PTPN9: variants seen among roughly 807,000 people sequenced by gnomAD.
PTPN9 encodes tyrosine-protein phosphatase non-receptor type 9.
PTPN9 carries 26 observed loss-of-function variants against 69.8 expected under a neutral mutation model. The observed-to-expected ratio is 0.37, with a 90% CI of 0.27 to 0.52. PTPN9 has a LOEUF of 0.52. Ranked by LOEUF, PTPN9 falls within the 20% of genes least tolerant of loss-of-function variation. The probability of loss-of-function intolerance (pLI) is 0.91; values close to 1 mark genes in which losing one functional copy is unlikely to be tolerated. For synonymous variants in PTPN9, 274 were observed against 272.5 expected (o/e 1.01, Z -0.05); for missense variants, 549 against 740.3 (o/e 0.74, Z 3.00).
At chr15:75,504,673 T>A (rs866704042) in intron 7 of PTPN9, among the ~76,000 whole-genome samples, 3 of 73,310 alleles carry the variant, frequency 4.1e-5, no homozygotes, top group East Asian at 4.8e-4. Flanking sequence ...CCAGCCGCCC[T>A]GTCCGGGAGG....
chr15:75,545,830 T>G (rs571950404), intron 1 of PTPN9, among the ~76,000 whole-genome samples: 1 of 152,120 alleles, frequency 6.6e-6, no homozygotes, highest in East Asian at 1.9e-4. Flanking sequence ...ACGCCTGTAG[T>G]CCCAGCTACT....
intron 7 of PTPN9, among the ~76,000 whole-genome samples, chr15:75,505,057 T>C (rs973295960): frequency 7.2e-4 from 109 of 152,326 alleles, no homozygotes; most frequent in Non-Finnish European, 1.4e-3. Context: ...AATCGGATGG[T>C]TGCCGTGTCT....
intron 6 of PTPN9, among the ~76,000 whole-genome samples, chr15:75,508,305 G>A (rs866774899): frequency 2.6e-5 from 4 of 152,014 alleles, no homozygotes; most frequent in East Asian, 1.9e-4. Context: ...CGATCTTCCC[G>A]CCTTGGCCTC....
At chr15:75,527,411 A>G in intron 1 of PTPN9, 150 bp from the exon 2 acceptor site, 1 of 794,330 alleles carries the variant, frequency 1.3e-6, no homozygotes. Context: ...AAAAAGGTAG[A>G]AACAGGTCTG....
At chr15:75,560,177 CATA>C (rs1174670357) in intron 1 of PTPN9, among the ~76,000 whole-genome samples, 2 of 151,960 alleles carry the variant, frequency 1.3e-5, no homozygotes, top group South Asian at 2.1e-4. Flanking sequence ...AACTTAATTC[CATA>C]ATAACGTTGT....
At chr15:75,505,602 G>T in intron 7 of PTPN9, 73 bp downstream of exon 7, 2 of 1,145,536 alleles carry the variant, frequency 1.7e-6, no homozygotes, top group Non-Finnish European at 2.6e-6. Context: ...AGTGAGGGGT[G>T]GAAGGAGCTG....
intron 1 of PTPN9, 133 bp downstream of exon 1, chr15:75,578,581 G>T: frequency 1.5e-6 from 1 of 688,876 alleles, no homozygotes; most frequent in Non-Finnish European, 2.0e-6. Flanking sequence ...CGGTGAGGGA[G>T]GCCCGCGAGC....
At chr15:75,504,942 C>T (rs1265423532) in intron 7 of PTPN9, among the ~76,000 whole-genome samples, 2 of 152,130 alleles carry the variant, frequency 1.3e-5, no homozygotes, top group Admixed American at 1.3e-4. Flanking sequence ...GCCCAGCCAC[C>T]ACCTCGTCTG....
Position 75,478,646 on chromosome 15 carries a change from G to A in PTPN9, c.1129+1202C>T, listed in dbSNP as rs546345288. 3.0e-4 allele frequency among the ~76,000 whole-genome samples: 45 copies of A among 152,332 alleles called. 1 individual carries two copies. The South Asian group carries it at 8.5e-3, about 29-fold the overall frequency. The stretch of plus-strand genomic sequence containing the variant: ...TTTTTTATGGCATTAACTTTGGAGA[G>A]TCTGAGCCAGTTTTCTTATAGTATG... On this transcript the variant is annotated intron_variant, in intron 9 of 12. Transcript: ENST00000618819.
chr15:75,528,476 G>A (rs1298785922), intron 1 of PTPN9, among the ~76,000 whole-genome samples: 1 of 151,732 alleles, frequency 6.6e-6, no homozygotes, highest in East Asian at 1.9e-4. Context: ...TCGACCACCT[G>A]GGCTCAAACA....
At chr15:75,550,814 G>GT (rs201805092) in intron 1 of PTPN9, among the ~76,000 whole-genome samples, 4,059 of 151,512 alleles carry the variant, frequency 0.027, 99 homozygotes, top group Middle Eastern at 0.058. Context: ...AAAATAAAAA[G>GT]TTTTTTTTTC....
Position 75,578,986 on chromosome 15 carries a change from A to G in PTPN9, c.-210T>C, listed in dbSNP as rs2075187408. On this transcript the variant is annotated 5_prime_UTR_variant, in exon 1 of 13. Transcript: ENST00000618819. ...CTCCGAACTGCCGCTCTCTTCCGGG[A>G]GGAAATCCTTTTTTATATTATTCGC... 1 of 286,016 alleles carries G rather than the reference A, an allele frequency of 3.5e-6. No individual in the cohort carries two copies. The highest frequency in any genetic ancestry group is 2.2e-5 in the African/African-American group (1 of 44,866). 17.7% of individuals were successfully genotyped at this position (286,016 alleles called of 1,614,324 possible).
chr15:75,477,833 CTTTTTTTTTTTTTTT>C (rs1196645006), intron 9 of PTPN9, among the ~76,000 whole-genome samples: 1 of 91,798 alleles, frequency 1.1e-5, no homozygotes, highest in Non-Finnish European at 2.1e-5. Flanking sequence ...ATCAGATACT[CTTTTTTTTTTTTTTT>C]TTTTTTTTTT....
At chr15:75,502,202 T>A (rs1438125220) in intron 7 of PTPN9, among the ~76,000 whole-genome samples, 1 of 151,918 alleles carries the variant, frequency 6.6e-6, no homozygotes, top group Non-Finnish European at 1.5e-5. Context: ...ATCCCAGCAC[T>A]TCGGGAGGCT....
At chr15:75,493,308 A>C (rs968570434) in intron 7 of PTPN9, among the ~76,000 whole-genome samples, 2 of 152,186 alleles carry the variant, frequency 1.3e-5, no homozygotes, top group African/African-American at 4.8e-5. Context: ...ATACAATTAT[A>C]CATAAAACAA....
chr15:75,530,928 T>G (rs1400227634), intron 1 of PTPN9, among the ~76,000 whole-genome samples: 1 of 120,136 alleles, frequency 8.3e-6, no homozygotes, highest in Non-Finnish European at 1.7e-5. Context: ...ATTTTTATTA[T>G]TATAATGTAT....
chr15:75,533,765 T>C (rs2074972514), intron 1 of PTPN9, among the ~76,000 whole-genome samples: 1 of 152,124 alleles, frequency 6.6e-6, no homozygotes, highest in Non-Finnish European at 1.5e-5. Context: ...GTTGAAATAA[T>C]GGTATCAGAG....
At chr15:75,505,561 C>CCCTAACAT in intron 7 of PTPN9, 114 bp downstream of exon 7, 1 of 717,556 alleles carries the variant, frequency 1.4e-6, no homozygotes, top group East Asian at 2.6e-5. Flanking sequence ...GAGTGATGTT[C>CCCTAACAT]CCTAACATAA....
chr15:75,555,616 G>A (rs1045728975), intron 1 of PTPN9, among the ~76,000 whole-genome samples: 1 of 151,572 alleles, frequency 6.6e-6, no homozygotes, highest in Non-Finnish European at 1.5e-5. Flanking sequence ...GCAATTCTTG[G>A]GCTTCAGCCT....
Sources: allele counts gnomAD v4.1 joint callset (sites outside exome capture counted in the v4.1 genomes callset), GRCh38; gene constraint gnomAD v4.1.1; transcripts MANE v1.5; gene names NCBI Gene and HGNC (gene_info 2026-07-23, HGNC 2026-07-21).